The following PPP1R17 variants were observed in gnomAD, a reference collection of about 807,000 sequenced individuals.
PPP1R17 encodes protein phosphatase 1 regulatory subunit 17, also known as G-substrate.
PPP1R17 carries 12 observed loss-of-function variants against 15.9 expected under a neutral mutation model. That is an observed-to-expected ratio of 0.75 (90% CI 0.48 to 1.22). PPP1R17 has a LOEUF of 1.22. PPP1R17 is among the 50% of genes most tolerant of loss of function. PPP1R17 has a pLI of 0.00. For missense variants in PPP1R17, 211 were observed against 187.3 expected (o/e 1.13, Z -0.74); for synonymous variants, 63 against 64.5 (o/e 0.98, Z 0.11).
chr7:31,692,472 G>C lies in PPP1R17; in HGVS notation c.31G>C (p.Glu11Gln). The C allele has an allele frequency of 1.2e-6, 2 of 1,612,198 alleles. No homozygotes were observed. The highest frequency in any genetic ancestry group is 1.7e-4 in the Middle Eastern group (1 of 6,060). Residue 11 changes from glutamate to glutamine, a missense_variant, in exon 2 of 5, where the codon GAA becomes CAA. By Grantham distance (29) the Glu-to-Gln change is conservative (BLOSUM62 2). Coordinates refer to ENST00000342032, the MANE Select transcript of PPP1R17 (RefSeq NM_006658.5). ...GTCCACTGAGCAAATGCAGCCACTG[G>C]AACTCTCAGAAGACAGACTGGACAA... MMSTEQMQPLELSEDRLDKLD... is the reference protein window; with the variant it reads MMSTEQMQPLQLSEDRLDKLD...
At chr7:31,698,181 A>T (rs1485758208) in intron 4 of PPP1R17, among the ~76,000 whole-genome samples, 1 of 152,180 alleles carries the variant, frequency 6.6e-6, no homozygotes. Flanking sequence ...ATAAAACTAT[A>T]TTTCCCCACT....
In PPP1R17 at chr7:31,689,238, G is replaced by A. The variant is rs569652785; in HGVS notation, c.-37+1932G>A. Among the ~76,000 whole-genome samples the A allele has an allele frequency of 3.9e-5, 6 of 152,280 alleles. No individual in the cohort carries two copies. The South Asian group carries it at 1.2e-3, about 32-fold the overall frequency. On this transcript the variant is annotated intron_variant, in intron 1 of 4. Coordinates refer to ENST00000342032, the MANE Select transcript of PPP1R17 (RefSeq NM_006658.5). Reference sequence around the variant, plus strand: ...ACACTGAACCAATAAGTGGAAAGAGGATGTTAAAAAGGTCACAAGTCTTTG... The same window carrying A: ...ACACTGAACCAATAAGTGGAAAGAGAATGTTAAAAAGGTCACAAGTCTTTG...
intron 2 of PPP1R17, among the ~76,000 whole-genome samples, chr7:31,695,056 G>C (rs572803519): frequency 2.0e-5 from 3 of 152,304 alleles, no homozygotes; most frequent in Non-Finnish European, 4.4e-5. Flanking sequence ...AAGATCGAGG[G>C]AGATTTAGGT....
At chr7:31,699,318 G>T (rs923467290) in intron 4 of PPP1R17, among the ~76,000 whole-genome samples, 5 of 152,144 alleles carry the variant, frequency 3.3e-5, no homozygotes, top group Non-Finnish European at 7.3e-5. Flanking sequence ...GACATGAAGG[G>T]TAATGCTGTT....
intron 2 of PPP1R17, among the ~76,000 whole-genome samples, chr7:31,693,167 A>G (rs566553040): frequency 4.6e-5 from 7 of 152,214 alleles, no homozygotes; most frequent in African/African-American, 9.6e-5. Context: ...ATTTGCCATC[A>G]AGATATTTTA....
At chr7:31,694,972 A>C (rs1792515732) in intron 2 of PPP1R17, among the ~76,000 whole-genome samples, 1 of 152,192 alleles carries the variant, frequency 6.6e-6, no homozygotes, top group African/African-American at 2.4e-5. Flanking sequence ...CAAGGTCTGG[A>C]TCACCAGGAG....
At chr7:31,700,155 G>T (rs1792780974) in intron 4 of PPP1R17, among the ~76,000 whole-genome samples, 1 of 152,152 alleles carries the variant, frequency 6.6e-6, no homozygotes, top group Admixed American at 6.5e-5. Context: ...CTGAAAATTA[G>T]GTCTCTTGTA....
At chr7:31,691,213 G>A (rs779106166) in intron 1 of PPP1R17, among the ~76,000 whole-genome samples, 1 of 152,190 alleles carries the variant, frequency 6.6e-6, no homozygotes, top group East Asian at 1.9e-4. Context: ...GCTATCCAGT[G>A]ATCTCAGCAC....
chr7:31,687,891 G>A (rs776521201), intron 1 of PPP1R17, among the ~76,000 whole-genome samples: 2 of 152,152 alleles, frequency 1.3e-5, no homozygotes, highest in East Asian at 1.9e-4. Flanking sequence ...TACTTTGGGG[G>A]ATATTCTTCA....
At chr7:31,703,421 A>G (rs376071840) in intron 4 of PPP1R17, among the ~76,000 whole-genome samples, 30 of 152,296 alleles carry the variant, frequency 2.0e-4, no homozygotes, top group African/African-American at 7.2e-4. Context: ...ATCAAACAAC[A>G]CAGCGTAAAC....
chr7:31,704,990 T>A (rs977501615), intron 4 of PPP1R17, among the ~76,000 whole-genome samples: 4 of 152,212 alleles, frequency 2.6e-5, no homozygotes, highest in African/African-American at 9.6e-5. Context: ...TCCTAAGCAA[T>A]GATATCCATG....
chr7:31,695,836 T>C (rs1475971892), intron 3 of PPP1R17: 1 of 397,686 alleles, frequency 2.5e-6, no homozygotes, highest in African/African-American at 2.1e-5. Context: ...TTTATTTTTT[T>C]TACCTACCAA....
intron 3 of PPP1R17, among the ~76,000 whole-genome samples, chr7:31,696,479 A>T (rs1792588553): frequency 6.6e-6 from 1 of 152,216 alleles, no homozygotes. Flanking sequence ...AGAGTTACTC[A>T]ATAATGGAGA....
intron 4 of PPP1R17, among the ~76,000 whole-genome samples, chr7:31,700,126 T>A (rs1792780143): frequency 6.6e-6 from 1 of 152,164 alleles, no homozygotes; most frequent in Non-Finnish European, 1.5e-5. Flanking sequence ...GAGAAAGACA[T>A]GTTGAAAGCC....
chr7:31,703,481 T>C (rs1256515086), intron 4 of PPP1R17, among the ~76,000 whole-genome samples: 1 of 152,216 alleles, frequency 6.6e-6, no homozygotes, highest in Non-Finnish European at 1.5e-5. Context: ...AGCCTCTGTA[T>C]GCATTATGGA....
At chr7:31,703,239 C>T (rs1224055546) in intron 4 of PPP1R17, among the ~76,000 whole-genome samples, 1 of 152,108 alleles carries the variant, frequency 6.6e-6, no homozygotes, top group African/African-American at 2.4e-5. Context: ...TAAATCAAAC[C>T]ATTTCTGAAG....
intron 1 of PPP1R17, among the ~76,000 whole-genome samples, chr7:31,688,051 A>T (rs1208033351): frequency 6.6e-6 from 1 of 152,196 alleles, no homozygotes; most frequent in East Asian, 1.9e-4. Context: ...TAAAGAGATA[A>T]TTCTGATAGA....
Position 31,707,447 on chromosome 7 carries a change from C to G in PPP1R17, c.*164C>G, listed in dbSNP as rs1793119941. The G allele has an allele frequency of 1.2e-5, 7 of 590,384 alleles. No homozygotes were observed. Among genetic ancestry groups the G allele is most frequent in the Admixed American group, 1.0e-4 (3 of 29,846 alleles). 36.6% of individuals were successfully genotyped at this position (590,384 alleles called of 1,614,324 possible). On this transcript the variant is annotated 3_prime_UTR_variant, in exon 5 of 5. Coordinates refer to ENST00000342032, the MANE Select transcript of PPP1R17 (RefSeq NM_006658.5). ...TATGCCATCAAATTGCCAGTCACCT[C>G]TTTGTCTCTCTCTTCTTTCTGAGTA...
At chr7:31,689,165 T>C (rs1046521431) in intron 1 of PPP1R17, among the ~76,000 whole-genome samples, 9 of 152,188 alleles carry the variant, frequency 5.9e-5, no homozygotes, top group Non-Finnish European at 7.3e-5. Flanking sequence ...AATATTGCAA[T>C]GACAGTGGCA....
Sources: allele counts gnomAD v4.1 joint callset (sites outside exome capture counted in the v4.1 genomes callset), GRCh38; gene constraint gnomAD v4.1.1; transcripts MANE v1.5; gene names NCBI Gene and HGNC (gene_info 2026-07-23, HGNC 2026-07-21).